INPP4B: variants seen among roughly 807,000 people sequenced by gnomAD.
The protein encoded by INPP4B is inositol polyphosphate-4-phosphatase type II B.
In INPP4B, 55 loss-of-function variants were observed where a neutral mutation model predicts 122.5. The observed-to-expected ratio is 0.45, with a 90% CI of 0.36 to 0.56. The LOEUF (loss-of-function observed/expected upper bound fraction) is 0.56, where lower values mean the gene tolerates loss of function less well. INPP4B is among the 20% of genes least tolerant of loss of function. INPP4B has a pLI of 0.00. For synonymous variants in INPP4B, 403 were observed against 388.7 expected (o/e 1.04, Z -0.43); for missense variants, 1,000 against 1,097.7 (o/e 0.91, Z 1.26).
chr4:142,598,484 A>G (rs1261813932), intron 2 of INPP4B, among the ~76,000 whole-genome samples: 1 of 152,126 alleles, frequency 6.6e-6, no homozygotes, highest in African/African-American at 2.4e-5. Context: ...ACATCCTGTA[A>G]GTCCCCATTG....
chr4:142,708,796 C>A (rs1330449191), intron 2 of INPP4B, among the ~76,000 whole-genome samples: 1 of 152,182 alleles, frequency 6.6e-6, no homozygotes, highest in Non-Finnish European at 1.5e-5. Flanking sequence ...AGGCCCCACA[C>A]AGAGTCTCCA....
chr4:142,639,666 C>G (rs1560903418), intron 2 of INPP4B, among the ~76,000 whole-genome samples: 1 of 152,040 alleles, frequency 6.6e-6, no homozygotes, highest in Non-Finnish European at 1.5e-5. Context: ...TTTGCAGAGA[C>G]AGCAAAATCA....
At chr4:142,635,774 G>T (rs1291386955) in intron 2 of INPP4B, among the ~76,000 whole-genome samples, 1 of 151,982 alleles carries the variant, frequency 6.6e-6, no homozygotes, top group South Asian at 2.1e-4. Flanking sequence ...TTAATACCTT[G>T]GTGATGAAAT....
chr4:142,810,169 C>CA (rs201292060), intron 1 of INPP4B, among the ~76,000 whole-genome samples: 33,712 of 103,596 alleles, frequency 0.33, 4,552 homozygotes, highest in South Asian at 0.39. Flanking sequence ...GACTCCATCT[C>CA]AAAAAAAAAA....
At chr4:142,764,883 G>C (rs571642378) in intron 1 of INPP4B, among the ~76,000 whole-genome samples, 1 of 151,964 alleles carries the variant, frequency 6.6e-6, no homozygotes, top group East Asian at 1.9e-4. Flanking sequence ...ACGTTCGCTT[G>C]GTTAGAAAGG....
intron 1 of INPP4B, among the ~76,000 whole-genome samples, chr4:142,782,865 T>A (rs1029236321): frequency 2.0e-5 from 3 of 151,488 alleles, no homozygotes; most frequent in African/African-American, 7.2e-5. Context: ...ACGCCGCATA[T>A]CTACAACTAT....
chr4:142,504,907 G>A (rs1355970118), intron 2 of INPP4B, among the ~76,000 whole-genome samples: 1 of 152,056 alleles, frequency 6.6e-6, no homozygotes, highest in African/African-American at 2.4e-5. Context: ...GTGACGTGAT[G>A]TGATGTGATT....
At chr4:142,270,614 G>C (rs1365734549) in intron 10 of INPP4B, 49 bp downstream of exon 10, 1 of 1,274,802 alleles carries the variant, frequency 7.8e-7, no homozygotes, top group Non-Finnish European at 1.1e-6. Context: ...ATCTGGCAAA[G>C]CTGATCATTT....
intron 3 of INPP4B, among the ~76,000 whole-genome samples, chr4:142,436,281 G>A (rs1009629098): frequency 6.6e-6 from 1 of 152,178 alleles, no homozygotes; most frequent in African/African-American, 2.4e-5. Flanking sequence ...CCTAGAGAAA[G>A]GCGTGGCAAT....
At chr4:142,143,952 T>G (rs1323020228) in intron 18 of INPP4B, among the ~76,000 whole-genome samples, 1 of 151,968 alleles carries the variant, frequency 6.6e-6, no homozygotes, top group African/African-American at 2.4e-5. Flanking sequence ...AAAGAATTGG[T>G]GATGAGTGAA....
intron 2 of INPP4B, among the ~76,000 whole-genome samples, chr4:142,630,745 C>T (rs560591113): frequency 9.2e-5 from 14 of 152,140 alleles, no homozygotes; most frequent in Non-Finnish European, 8.8e-5. Context: ...ATTTATATAG[C>T]CTCACAGCAC....
intron 18 of INPP4B, among the ~76,000 whole-genome samples, chr4:142,127,522 A>T (rs1441847485): frequency 6.6e-6 from 1 of 152,060 alleles, no homozygotes; most frequent in African/African-American, 2.4e-5. Flanking sequence ...TTGGAAGTGG[A>T]AACCCAGGAT....
intron 9 of INPP4B, among the ~76,000 whole-genome samples, chr4:142,276,786 A>G (rs1181212175): frequency 6.6e-6 from 1 of 151,918 alleles, no homozygotes; most frequent in Non-Finnish European, 1.5e-5. Context: ...TGCTATAAAC[A>G]GTACTCTCCA....
At chr4:142,094,331 T>C (rs963446494) in intron 23 of INPP4B, among the ~76,000 whole-genome samples, 2 of 152,196 alleles carry the variant, frequency 1.3e-5, no homozygotes, top group African/African-American at 4.8e-5. Context: ...GCCTAGGTGC[T>C]GGCACTGAAG....
At chr4:142,807,283 TG>T in intron 1 of INPP4B, among the ~76,000 whole-genome samples, 1 of 152,278 alleles carries the variant, frequency 6.6e-6, no homozygotes, top group East Asian at 1.9e-4. Context: ...GGTGGTATCT[TG>T]TACCAATTTT....
intron 9 of INPP4B, among the ~76,000 whole-genome samples, chr4:142,290,686 G>A (rs1363490448): frequency 1.3e-5 from 2 of 152,066 alleles, no homozygotes. Flanking sequence ...TGTCTACATG[G>A]TTATTTTCTC....
intron 11 of INPP4B, among the ~76,000 whole-genome samples, chr4:142,248,336 CTTTT>C (rs34309443): frequency 9.4e-6 from 1 of 106,380 alleles, no homozygotes; most frequent in Non-Finnish European, 1.7e-5. Flanking sequence ...CTCTCTCTCT[CTTTT>C]TTTTTTTTTT....
chr4:142,710,938 T>C (rs1580752284), intron 2 of INPP4B, among the ~76,000 whole-genome samples: 1 of 152,174 alleles, frequency 6.6e-6, no homozygotes, highest in South Asian at 2.1e-4. Context: ...CCTTGGTGTC[T>C]CTCCCTGACT....
chr4:142,392,363 G>C (rs1201669298), intron 7 of INPP4B, among the ~76,000 whole-genome samples: 1 of 152,140 alleles, frequency 6.6e-6, no homozygotes, highest in Admixed American at 6.5e-5. Flanking sequence ...GAAATGAAAA[G>C]GGGGTCTGTT....
Sources: allele counts gnomAD v4.1 joint callset (sites outside exome capture counted in the v4.1 genomes callset), GRCh38; gene constraint gnomAD v4.1.1; transcripts MANE v1.5; gene names NCBI Gene and HGNC (gene_info 2026-07-23, HGNC 2026-07-21).